The following PAX3 variants were observed in gnomAD, a reference collection of about 807,000 sequenced individuals.
PAX3 encodes the protein paired box 3, also known as paired box protein Pax-3.
Under a neutral mutation model 51.6 loss-of-function variants are expected in PAX3, and 14 were observed. The ratio of observed to expected loss-of-function variants is 0.27; its 90% CI spans 0.18 to 0.42. The LOEUF (loss-of-function observed/expected upper bound fraction) is 0.42. Among genes scored for constraint, PAX3 ranks in the 10% least tolerant of loss-of-function variants. PAX3 has a pLI of 1.00. For synonymous variants in PAX3, 280 were observed against 253.4 expected (o/e 1.11, Z -1.00); for missense variants, 540 against 642.8 (o/e 0.84, Z 1.73).
At chr2:222,238,562 G>T (rs982596913) in intron 4 of PAX3, among the ~76,000 whole-genome samples, 3 of 152,140 alleles carry the variant, frequency 2.0e-5, no homozygotes, top group African/African-American at 7.2e-5. Flanking sequence ...TTCTATGTTT[G>T]CCCTAGATAT....
At chr2:222,277,827 G>C (rs62186068) in intron 4 of PAX3, among the ~76,000 whole-genome samples, 1 of 151,574 alleles carries the variant, frequency 6.6e-6, no homozygotes, top group Middle Eastern at 3.4e-3. Context: ...CCAGCTACTC[G>C]GGAGGCTGAG....
intron 4 of PAX3, among the ~76,000 whole-genome samples, chr2:222,242,078 T>C (rs934417511): frequency 1.3e-5 from 2 of 152,236 alleles, no homozygotes; most frequent in African/African-American, 4.8e-5. Flanking sequence ...ATCTTCTTCC[T>C]TTGGAAACAA....
intron 8 of PAX3, 131 bp from the exon 9 acceptor site, chr2:222,201,573 C>A: frequency 7.2e-7 from 1 of 1,386,890 alleles, no homozygotes; most frequent in Non-Finnish European, 1.0e-6. Flanking sequence ...TATTTTTATT[C>A]CTGAGACAAG....
chr2:222,234,575 T>TAG (rs965981625), intron 4 of PAX3, among the ~76,000 whole-genome samples: 21 of 152,316 alleles, frequency 1.4e-4, no homozygotes, highest in Admixed American at 9.8e-4. Context: ...TGGTAAAACA[T>TAG]AGACTGATGG....
chr2:222,232,279 T>A lies in PAX3; in HGVS notation c.591A>T (p.Ser197=). ...SIDGILSERA[S]APQSDEGSDI... ...CAGAGCCTTCATCTGATTGGGGTGC[T>A]GAGGCTAAAAGCACAGAAGAACAAA... Residue 197 remains serine (S), a synonymous_variant, in exon 5 of 9, where the codon TCA becomes TCT. Transcript: ENST00000392070. 6.2e-7 allele frequency: 1 copy of A among 1,613,666 alleles called. No homozygotes were observed. Among genetic ancestry groups the A allele is most frequent in the Admixed American group, 1.7e-5 (1 of 59,994 alleles).
chr2:222,242,480 C>T (rs1486324440), intron 4 of PAX3: 1 of 152,106 alleles, frequency 6.6e-6, no homozygotes, highest in Non-Finnish European at 1.5e-5. Flanking sequence ...TACTGTCATC[C>T]CCATCTTACA....
chr2:222,247,486 A>G (rs1693272665), intron 4 of PAX3, among the ~76,000 whole-genome samples: 1 of 152,190 alleles, frequency 6.6e-6, no homozygotes, highest in Non-Finnish European at 1.5e-5. Flanking sequence ...TATCAGCAGA[A>G]AACTCTTTAC....
chr2:222,203,680 A>G (rs1691395706), intron 7 of PAX3, among the ~76,000 whole-genome samples: 1 of 152,202 alleles, frequency 6.6e-6, no homozygotes, highest in South Asian at 2.1e-4. Flanking sequence ...CCCAGAAAGC[A>G]TCTCAACTCA....
At position 222,232,212 on chromosome 2, in the gene PAX3, G is replaced by A. The variant is rs917104474; in HGVS notation, c.658C>T (p.Arg220Cys). ...EPDLPLKRKQRRSRTTFTAEQ... is the reference protein window; with the variant it reads ...EPDLPLKRKQCRSRTTFTAEQ... ...GCTGTGAAGGTGGTTCGGCTTCTGC[G>A]CTGTTTCCTCTTTAGTGGTAAATCT... Residue 220 changes from arginine (R) to cysteine (C), a missense_variant, in exon 5 of 9, where the codon CGC becomes TGC. Coordinates refer to ENST00000392070, the MANE Select transcript of PAX3 (RefSeq NM_181458.4). The A allele has an allele frequency of 4.3e-6, 7 of 1,613,900 alleles. No individual in the cohort carries two copies. The highest frequency in any genetic ancestry group is 1.7e-5 in the Admixed American group (1 of 59,970).
At chr2:222,276,655 C>G (rs1433063837) in intron 4 of PAX3, among the ~76,000 whole-genome samples, 1 of 152,190 alleles carries the variant, frequency 6.6e-6, no homozygotes, top group Non-Finnish European at 1.5e-5. Flanking sequence ...AAACGGAAAG[C>G]AACCAGGTCC....
intron 4 of PAX3, among the ~76,000 whole-genome samples, chr2:222,274,881 A>T (rs1694365521): frequency 6.6e-6 from 1 of 152,174 alleles, no homozygotes; most frequent in South Asian, 2.1e-4. Flanking sequence ...TCATAAATTC[A>T]ACTTTTTCAA....
At position 222,298,669 on chromosome 2, in the gene PAX3, G is replaced by A. The variant is rs895298852; in HGVS notation, c.-54C>T. 2 of 1,498,276 alleles carry A rather than the reference G, an allele frequency of 1.3e-6. No individual in the cohort carries two copies. The highest frequency in any genetic ancestry group is 1.8e-6 in the Non-Finnish European group (2 of 1,097,398). 92.8% of individuals were successfully genotyped at this position (1,498,276 alleles called of 1,614,324 possible). The stretch of plus-strand genomic sequence containing the variant: ...ATCCAGGTGAAGGCGAAACGGAAAG[G>A]CGAGTGCGGCGCGGATGACCCTCGG... On this transcript the variant is annotated 5_prime_UTR_variant, in exon 1 of 9. Coordinates refer to ENST00000392070, the MANE Select transcript of PAX3 (RefSeq NM_181458.4).
intron 4 of PAX3, among the ~76,000 whole-genome samples, chr2:222,290,621 A>G (rs1268142521): frequency 3.3e-5 from 5 of 152,260 alleles, no homozygotes; most frequent in African/African-American, 1.2e-4. Context: ...ACAACAAGTC[A>G]GTAATTGTAA....
In PAX3 at chr2:222,221,392, G is replaced by A. The variant is rs1692187212; in HGVS notation, c.793-5C>T. On this transcript the variant is annotated splice_region_variant and splice_polypyrimidine_tract_variant and intron_variant, in intron 5 of 8. Transcript: ENST00000392070. ...ACGGCGGTTGCTAAACCAGACCTAT[G>A]GATTTAATTTAAAATTTAAGGATTT... 1.9e-6 allele frequency: 3 copies of A among 1,612,308 alleles called. No homozygotes were observed. In the South Asian group the frequency reaches 3.3e-5, roughly 18 times the overall value.
intron 4 of PAX3, among the ~76,000 whole-genome samples, chr2:222,283,836 T>C (rs1308425691): frequency 1.3e-5 from 2 of 152,216 alleles, no homozygotes; most frequent in African/African-American, 2.4e-5. Flanking sequence ...GACCAGTGCA[T>C]GCGGGGATAA....
intron 4 of PAX3, among the ~76,000 whole-genome samples, chr2:222,293,282 CT>C (rs574429104): frequency 6.6e-6 from 1 of 152,334 alleles, no homozygotes; most frequent in South Asian, 2.1e-4. Context: ...CAATCCTCCC[CT>C]CCCCCCTGCC....
At chr2:222,296,828 A>G (rs571761678) in intron 2 of PAX3, 150 bp downstream of exon 2, 1 of 702,426 alleles carries the variant, frequency 1.4e-6, no homozygotes, top group East Asian at 2.7e-5. Context: ...GCACACGTAC[A>G]CACACACACG....
chr2:222,268,630 T>A (rs1310988369), intron 4 of PAX3, among the ~76,000 whole-genome samples: 4 of 151,878 alleles, frequency 2.6e-5, no homozygotes, highest in Non-Finnish European at 5.9e-5. Flanking sequence ...CCACGGGGGG[T>A]TGGGGGGCAG....
At chr2:222,255,558 C>T (rs1343772705) in intron 4 of PAX3, among the ~76,000 whole-genome samples, 9 of 152,196 alleles carry the variant, frequency 5.9e-5, no homozygotes, top group Non-Finnish European at 1.3e-4. Flanking sequence ...CTAGCATCTA[C>T]CATGTCAGCC....
Sources: gnomAD v4.1 joint callset for allele counts (sites outside exome capture counted in the v4.1 genomes callset) on GRCh38, gnomAD v4.1.1 for gene constraint, MANE v1.5 for transcripts, NCBI Gene and HGNC (gene_info 2026-07-23, HGNC 2026-07-21) for gene names.